Variants in GPAT4 observed in about 807,000 individuals in gnomAD.
GPAT4 encodes the protein 1-AGP acyltransferase 6.
A neutral mutation model predicts 58.0 loss-of-function variants in GPAT4; 17 were observed. That is an observed-to-expected ratio of 0.29 (90% confidence interval 0.20 to 0.44). The LOEUF is 0.44. Ranked by LOEUF, GPAT4 falls within the 20% of genes least tolerant of loss-of-function variation. GPAT4 has a pLI of 1.00. For missense variants in GPAT4, 377 were observed against 574.5 expected, an observed-to-expected ratio of 0.66 and a Z score of 3.51; for synonymous variants, 204 against 210.1, an observed-to-expected ratio of 0.97 and a Z score of 0.25.
Position 41,597,998 on chromosome 8 carries a change from C to T in GPAT4, c.-848-294C>T, listed in dbSNP as rs77082815. Among the ~76,000 whole-genome samples, 291 of 152,258 alleles carry T rather than the reference C, an allele frequency of 1.9e-3. 1 individual carries two copies. The highest frequency in any genetic ancestry group is 6.8e-3 in the African/African-American group (282 of 41,530). ...AAGGAGATGTACTTTCCATAGCACA[C>T]GCTTTTTATCTTTTAAATGTGTCTT... On this transcript the variant is annotated intron_variant, in intron 1 of 12. Transcript: ENST00000396987.
intron 2 of GPAT4, among the ~76,000 whole-genome samples, chr8:41,606,336 GAATTA>G (rs1341890626): frequency 1.3e-5 from 2 of 152,034 alleles, no homozygotes; most frequent in East Asian, 3.9e-4. Context: ...GAATTGAATT[GAATTA>G]GAGGACACCC....
At chr8:41,594,224 C>CTT (rs1802862977) in intron 1 of GPAT4, among the ~76,000 whole-genome samples, 1 of 151,948 alleles carries the variant, frequency 6.6e-6, no homozygotes, top group African/African-American at 2.4e-5. Context: ...ACCTCTTTAA[C>CTT]TTTAGCCAAT....
At chr8:41,615,151 C>T (rs1803557572) in intron 10 of GPAT4, 103 bp downstream of exon 10, 8 of 1,043,600 alleles carry the variant, frequency 7.7e-6, no homozygotes, top group South Asian at 1.4e-5. Flanking sequence ...AGTCTGTGGT[C>T]GATGCCCTCA....
intron 2 of GPAT4, among the ~76,000 whole-genome samples, chr8:41,602,766 T>TA (rs1803140308): frequency 6.6e-6 from 1 of 152,162 alleles, no homozygotes; most frequent in African/African-American, 2.4e-5. Flanking sequence ...TTGGGTGGCT[T>TA]AAAAAACACG....
Position 41,617,338 on chromosome 8 carries a change from T to C in GPAT4, c.1054-1346T>C, listed in dbSNP as rs138417923. On this transcript the variant is annotated intron_variant, in intron 10 of 12. Coordinates refer to ENST00000396987, the MANE Select transcript of GPAT4 (RefSeq NM_178819.4). ...GAGATAGCGCCACAGCACTCCAGCC[T>C]GGGCGACAGTGTGAGACTCTTGTCT... Among the ~76,000 whole-genome samples the C allele has an allele frequency of 3.3e-3, 504 of 152,282 alleles. 2 individuals are homozygous for C. Among genetic ancestry groups the C allele is most frequent in the Middle Eastern group, 0.014 (4 of 294 alleles).
chr8:41,591,980 A>T (rs11994275), intron 1 of GPAT4, among the ~76,000 whole-genome samples: 3 of 151,980 alleles, frequency 2.0e-5, no homozygotes, highest in African/African-American at 7.3e-5. Context: ...CAGCTTGTAA[A>T]CGTTTGATTC....
chr8:41,594,841 G>A (rs1434832429), intron 1 of GPAT4, among the ~76,000 whole-genome samples: 2 of 151,892 alleles, frequency 1.3e-5, no homozygotes, highest in South Asian at 2.1e-4. Flanking sequence ...CACCGTGCCC[G>A]GCCCAAACTT....
At chr8:41,592,763 T>A (rs971059731) in intron 1 of GPAT4, among the ~76,000 whole-genome samples, 4 of 152,212 alleles carry the variant, frequency 2.6e-5, no homozygotes, top group Admixed American at 1.3e-4. Flanking sequence ...GGAGAGTGTT[T>A]GTAAACTTCT....
Position 41,596,927 on chromosome 8 carries a change from G to A in GPAT4, c.-848-1365G>A, listed in dbSNP as rs1173237225. Among the ~76,000 whole-genome samples the A allele has an allele frequency of 2.6e-5, 4 of 152,166 alleles. No individual in the cohort carries two copies. The South Asian group carries it at 6.2e-4, about 24-fold the overall frequency. On this transcript the variant is annotated intron_variant, in intron 1 of 12. Coordinates refer to ENST00000396987, the MANE Select transcript of GPAT4 (RefSeq NM_178819.4). ...AGGGCTTACAACTCCAAGGGGGTCCGCATGAGAGGGTCATGATCGATTGAG... is the reference window on the plus strand; with the variant it reads ...AGGGCTTACAACTCCAAGGGGGTCCACATGAGAGGGTCATGATCGATTGAG...
intron 10 of GPAT4, among the ~76,000 whole-genome samples, chr8:41,618,124 G>A (rs1001569128): frequency 2.6e-5 from 4 of 152,230 alleles, no homozygotes; most frequent in African/African-American, 7.2e-5. Flanking sequence ...CTGAACAGAC[G>A]ACTGACTTTG....
chr8:41,603,682 C>CTG (rs1372638165), intron 2 of GPAT4, among the ~76,000 whole-genome samples: 1 of 151,956 alleles, frequency 6.6e-6, no homozygotes, highest in Non-Finnish European at 1.5e-5. Context: ...GGGCAGGATG[C>CTG]TGTGATATGT....
chr8:41,608,101 T>C (rs1406324050), intron 2 of GPAT4, among the ~76,000 whole-genome samples: 1 of 152,140 alleles, frequency 6.6e-6, no homozygotes, highest in Non-Finnish European at 1.5e-5. Context: ...ACAGAGAAAA[T>C]GGGTCATGTG....
At chr8:41,600,131 C>T (rs767164885) in intron 2 of GPAT4, among the ~76,000 whole-genome samples, 15 of 150,200 alleles carry the variant, frequency 1.0e-4, no homozygotes, top group Admixed American at 6.7e-4. Flanking sequence ...CCCTGCCTCC[C>T]GGGTTCAAGC....
rs1299459008 is a variant in GPAT4 at position 41,612,924 on chromosome 8, G to T, written c.875G>T (p.Arg292Leu). 6.2e-7 allele frequency: 1 copy of T among 1,614,108 alleles called. No individual in the cohort carries two copies. ...VKACPHVWFE[R>L]SEVKDRHLVA... ...GCCTGCCCACACGTCTGGTTTGAGC[G>T]CTCGGAAGTGAAGGATCGCCACCTG... The change falls in exon 8 of 13, where the codon CGC (arginine) becomes CTC (leucine). Residue 292 changes from arginine (R) to leucine (L), a missense_variant. Arg to Leu is a moderately radical substitution (Grantham distance 102). Coordinates refer to ENST00000396987, the MANE Select transcript of GPAT4 (RefSeq NM_178819.4).
At chr8:41,590,810 C>G (rs1333360965) in intron 1 of GPAT4, among the ~76,000 whole-genome samples, 1 of 152,124 alleles carries the variant, frequency 6.6e-6, no homozygotes, top group Non-Finnish European at 1.5e-5. Context: ...GTCATGGAGC[C>G]GTACAGAGGA....
At chr8:41,611,303 G>A (rs556461714) in intron 5 of GPAT4, among the ~76,000 whole-genome samples, 1 of 152,138 alleles carries the variant, frequency 6.6e-6, no homozygotes, top group Non-Finnish European at 1.5e-5. Context: ...ATCTATGACT[G>A]TTCTTTTTGT....
chr8:41,600,286 T>C (rs1344278174), intron 2 of GPAT4, among the ~76,000 whole-genome samples: 3 of 152,052 alleles, frequency 2.0e-5, no homozygotes, highest in Admixed American at 2.0e-4. Flanking sequence ...AAGTGATCTG[T>C]CCACCTCAGC....
At chr8:41,611,523 C>T (rs11775059) in intron 5 of GPAT4, among the ~76,000 whole-genome samples, 12,929 of 152,232 alleles carry the variant, frequency 0.085, 613 homozygotes, top group Middle Eastern at 0.17. Context: ...ATATTTTGCT[C>T]CCTTTGGGAA....
chr8:41,609,675 A>G lies in GPAT4; in HGVS notation c.256A>G (p.Thr86Ala), dbSNP rs1803384527. 1 of 1,613,060 alleles carries G rather than the reference A, an allele frequency of 6.2e-7. No individual in the cohort carries two copies. Among genetic ancestry groups the G allele is most frequent in the Non-Finnish European group, 8.5e-7 (1 of 1,179,300 alleles). ...TGCAGGAATCATTGCAAAGGATCCCACTTCACTAGAAGAAGAGATCAAAGA... is the reference window on the plus strand; with the variant it reads ...TGCAGGAATCATTGCAAAGGATCCCGCTTCACTAGAAGAAGAGATCAAAGA... ...YTNGIIAKDP[T>A]SLEEEIKEIR... is the part of the protein sequence containing the mutation. The change falls in exon 4 of 13, where the codon ACT becomes GCT. Residue 86 changes from threonine (T) to alanine (A), a missense_variant. Coordinates refer to ENST00000396987, the MANE Select transcript of GPAT4 (RefSeq NM_178819.4).
Sources: gnomAD v4.1 joint callset for allele counts (sites outside exome capture counted in the v4.1 genomes callset) on GRCh38, gnomAD v4.1.1 for gene constraint, MANE v1.5 for transcripts, NCBI Gene and HGNC (gene_info 2026-07-23, HGNC 2026-07-21) for gene names.